KLHL13: variants seen among roughly 807,000 people sequenced by gnomAD.
The protein encoded by KLHL13 is kelch-like protein 13.
A neutral mutation model predicts 37.1 loss-of-function variants in KLHL13; 10 were observed. The ratio of observed to expected loss-of-function variants is 0.27; its 90% CI spans 0.17 to 0.46. The LOEUF (loss-of-function observed/expected upper bound fraction) is 0.46. KLHL13 is among the 20% of genes least tolerant of loss of function. The pLI, the probability that KLHL13 is intolerant of heterozygous loss-of-function variation, is 1.00. For synonymous variants in KLHL13, 163 were observed against 181.2 expected (o/e 0.90, Z 0.81); for missense variants, 360 against 509.3 (o/e 0.71, Z 2.82).
upstream of KLHL13, among the ~76,000 whole-genome samples, chrX:117,974,726 A>G (rs180943497): frequency 9.8e-5 from 11 of 112,084 alleles, no homozygotes; most frequent in Admixed American, 9.5e-4. Context: ...CAGTATGTAC[A>G]TATACACATA....
intron 1 of KLHL13, among the ~76,000 whole-genome samples, chrX:117,967,260 G>A (rs778634027): frequency 2.7e-5 from 3 of 111,282 alleles, no homozygotes; most frequent in East Asian, 5.7e-4. Flanking sequence ...TGTTTATACC[G>A]CCTTTCTCAA....
intron 1 of KLHL13, among the ~76,000 whole-genome samples, chrX:118,043,979 A>G (rs2054531516): frequency 8.9e-6 from 1 of 112,276 alleles, no homozygotes; most frequent in Non-Finnish European, 1.9e-5. Flanking sequence ...ACATGATCTT[A>G]TATTTGGAGA....
intron 1 of KLHL13, among the ~76,000 whole-genome samples, chrX:118,116,222 A>G (rs912524311): frequency 1.4e-4 from 16 of 111,861 alleles, no homozygotes; most frequent in African/African-American, 4.9e-4. Context: ...TGGAGAGATG[A>G]CAAAGAAGCA....
At chrX:118,070,229 G>C (rs745809638) in intron 1 of KLHL13, among the ~76,000 whole-genome samples, 1 of 112,198 alleles carries the variant, frequency 8.9e-6, no homozygotes, top group South Asian at 3.7e-4. Context: ...AAGTGATGAA[G>C]GCTGTGTAAG....
intron 1 of KLHL13, among the ~76,000 whole-genome samples, chrX:118,054,260 C>T (rs2054662474): frequency 9.0e-6 from 1 of 111,030 alleles, no homozygotes; most frequent in South Asian, 3.8e-4. Context: ...TTTTATATTA[C>T]AGTGATCACC....
At chrX:118,027,619 GCTCT>G (rs779123393) in intron 1 of KLHL13, among the ~76,000 whole-genome samples, 12 of 105,966 alleles carry the variant, frequency 1.1e-4, no homozygotes, top group Non-Finnish European at 1.9e-4. Flanking sequence ...ACTCACACCC[GCTCT>G]CTATTTTTTC....
chrX:118,082,160 C>A (rs1425966252), intron 1 of KLHL13, among the ~76,000 whole-genome samples: 1 of 110,769 alleles, frequency 9.0e-6, no homozygotes, highest in African/African-American at 3.3e-5. Context: ...CATGGGAGAT[C>A]TATTTAGATT....
intron 1 of KLHL13, among the ~76,000 whole-genome samples, chrX:118,049,416 A>T (rs978522446): frequency 2.7e-5 from 3 of 112,214 alleles, no homozygotes; most frequent in Admixed American, 9.5e-5. Flanking sequence ...TCTGAAGTTT[A>T]ACAGAATTGT....
At chrX:118,067,944 A>T (rs754688822) in intron 1 of KLHL13, among the ~76,000 whole-genome samples, 71 of 112,151 alleles carry the variant, frequency 6.3e-4, no homozygotes, top group African/African-American at 2.3e-3. Context: ...AGTATTATGT[A>T]CTATATATAT....
chrX:118,049,463 T>G (rs916042382), intron 1 of KLHL13, among the ~76,000 whole-genome samples: 4 of 111,806 alleles, frequency 3.6e-5, no homozygotes, highest in Non-Finnish European at 5.6e-5. Context: ...AAAAGTTGAT[T>G]TTTTTAAATG....
chrX:117,954,060 C>A (rs907830679), intron 1 of KLHL13, among the ~76,000 whole-genome samples: 2 of 111,189 alleles, frequency 1.8e-5, no homozygotes, highest in Non-Finnish European at 3.8e-5. Flanking sequence ...AACACTATGA[C>A]GTAGATAAGG....
chrX:118,015,923 C>T (rs62609222), intron 1 of KLHL13, among the ~76,000 whole-genome samples: 4 of 110,998 alleles, frequency 3.6e-5, no homozygotes, highest in South Asian at 3.8e-4. Context: ...ATTATTGCCA[C>T]GCTTACTTCA....
intron 1 of KLHL13, among the ~76,000 whole-genome samples, chrX:118,017,582 A>T (rs1202953045): frequency 2.7e-5 from 3 of 110,873 alleles, no homozygotes; most frequent in African/African-American, 9.8e-5. Context: ...ACATGACTTC[A>T]CTCATAAAGC....
rs751096891 is a variant in KLHL13, at chrX:117,903,394, A to G, written c.1367-1448T>C. ...GCTTTTACTATTCTCATTTTTACCT[A>G]CTGCTTTGTTGGCTTTGTTCATTGC... On this transcript the variant is annotated intron_variant, in intron 5 of 6. Transcript: ENST00000262820. Among the ~76,000 whole-genome samples the G allele has an allele frequency of 1.4e-4, 15 of 111,002 alleles. No individual in the cohort carries two copies. The East Asian group carries it at 4.0e-3, about 29-fold the overall frequency.
intron 1 of KLHL13, among the ~76,000 whole-genome samples, chrX:117,985,050 C>A (rs1287843313): frequency 3.6e-5 from 4 of 110,853 alleles, no homozygotes; most frequent in East Asian, 5.6e-4. Flanking sequence ...CCTTAGAAAT[C>A]TTATTCAAAA....
At chrX:117,987,468 T>C (rs1203186937) in intron 1 of KLHL13, among the ~76,000 whole-genome samples, 1 of 111,425 alleles carries the variant, frequency 9.0e-6, no homozygotes, top group East Asian at 2.8e-4. Context: ...CAGAGAAACA[T>C]GTCCTTGGGT....
At chrX:117,935,240 TAAAC>T (rs928742226) in intron 2 of KLHL13, among the ~76,000 whole-genome samples, 3 of 111,964 alleles carry the variant, frequency 2.7e-5, no homozygotes, top group East Asian at 5.7e-4. Flanking sequence ...AATGGATACA[TAAAC>T]AAAATATCTA....
intron 1 of KLHL13, among the ~76,000 whole-genome samples, chrX:118,114,857 C>T (rs966181874): frequency 8.9e-6 from 1 of 112,272 alleles, no homozygotes; most frequent in African/African-American, 3.2e-5. Flanking sequence ...AGATTGAAAA[C>T]CTTGGGCTTT....
intron 1 of KLHL13, among the ~76,000 whole-genome samples, chrX:118,045,415 C>A (rs1412298228): frequency 1.8e-5 from 2 of 108,719 alleles, no homozygotes; most frequent in Non-Finnish European, 3.8e-5. Flanking sequence ...GGCAAACTAT[C>A]TGAATAGACA....
Sources: allele counts gnomAD v4.1 joint callset (sites outside exome capture counted in the v4.1 genomes callset), GRCh38; gene constraint gnomAD v4.1.1; transcripts MANE v1.5; gene names NCBI Gene and HGNC (gene_info 2026-07-23, HGNC 2026-07-21).